The following MBD2 variants were observed in gnomAD, a reference collection of about 807,000 sequenced individuals.
MBD2 encodes the protein methyl-CpG-binding domain protein 2.
MBD2 carries 9 observed loss-of-function variants against 39.3 expected under a neutral mutation model. The observed-to-expected ratio is 0.23, with a 90% CI of 0.14 to 0.40. The LOEUF (loss-of-function observed/expected upper bound fraction) is 0.40, where lower values mean the gene tolerates loss of function less well. Among genes scored for constraint, MBD2 ranks in the 10% least tolerant of loss-of-function variants. MBD2 has a pLI of 1.00. For missense variants in MBD2, 458 were observed against 532.6 expected (o/e 0.86, Z 1.38); for synonymous variants, 233 against 211.1 (o/e 1.10, Z -0.90).
At chr18:54,206,539 C>G (rs2086451064) in intron 1 of MBD2, among the ~76,000 whole-genome samples, 1 of 152,124 alleles carries the variant, frequency 6.6e-6, no homozygotes, top group African/African-American at 2.4e-5. Context: ...AAAAACCAAG[C>G]AATAAATATT....
chr18:54,199,067 G>A (rs2086387137), intron 2 of MBD2, among the ~76,000 whole-genome samples: 1 of 152,196 alleles, frequency 6.6e-6, no homozygotes, highest in African/African-American at 2.4e-5. Flanking sequence ...TAAGAGACAG[G>A]AGAGAGGGAG....
chr18:54,218,598 A>G (rs7234495), intron 1 of MBD2, among the ~76,000 whole-genome samples: 4,069 of 152,314 alleles, frequency 0.027, 180 homozygotes, highest in African/African-American at 0.093. Flanking sequence ...CCCCAAGCAC[A>G]CTACTTCCCT....
At chr18:54,198,751 G>T (rs1185820490) in intron 2 of MBD2, among the ~76,000 whole-genome samples, 1 of 152,274 alleles carries the variant, frequency 6.6e-6, no homozygotes, top group East Asian at 1.9e-4. Context: ...ACAATTCAAA[G>T]GTTCCTGGAG....
chr18:54,213,501 A>G (rs1429731187), intron 1 of MBD2, among the ~76,000 whole-genome samples: 3 of 152,244 alleles, frequency 2.0e-5, no homozygotes, highest in African/African-American at 7.2e-5. Flanking sequence ...TGTTTAAAAA[A>G]TTAAAAACCA....
chr18:54,197,055 A>G (rs116409152), intron 2 of MBD2, among the ~76,000 whole-genome samples: 4,074 of 152,344 alleles, frequency 0.027, 184 homozygotes, highest in African/African-American at 0.093. Context: ...ATATTTCTGT[A>G]TACGAGAAAA....
intron 5 of MBD2, among the ~76,000 whole-genome samples, chr18:54,161,446 C>T (rs1432223721): frequency 1.3e-5 from 2 of 152,168 alleles, no homozygotes; most frequent in African/African-American, 4.8e-5. Flanking sequence ...CAGTTAGTCT[C>T]ACCTCTGGGT....
chr18:54,224,273 C>T lies in MBD2; in HGVS notation c.287G>A (p.Arg96His). The change falls in exon 1 of 7, where the codon CGT (arginine) becomes CAT (histidine). Residue 96 changes from arginine to histidine, a missense_variant. By Grantham distance (29) the Arg-to-His change is conservative. Transcript: ENST00000256429. ...RGRGRGRGRGRPPSGGSGLGG... is the reference protein window; with the variant it reads ...RGRGRGRGRGHPPSGGSGLGG... ...AAGGCCGCTGCCGCCACTCGGGGGA[C>T]GGCCGCGGCCCCGGCCCCGGCCCCG... 2.1e-6 allele frequency: 2 copies of T among 949,644 alleles called. No homozygotes were observed. Among genetic ancestry groups the T allele is most frequent in the South Asian group, 9.3e-5 (2 of 21,412 alleles). 58.8% of individuals were successfully genotyped at this position (949,644 alleles called of 1,614,324 possible). A position where few individuals can be genotyped will look rare whatever the true frequency, so the allele number is the denominator to read the frequency against.
intron 3 of MBD2, among the ~76,000 whole-genome samples, chr18:54,177,591 C>G (rs1050150218): frequency 6.6e-6 from 1 of 152,128 alleles, no homozygotes; most frequent in African/African-American, 2.4e-5. Context: ...CGCCATTCTC[C>G]TGCCTCGGCC....
intron 1 of MBD2, among the ~76,000 whole-genome samples, chr18:54,221,362 G>A (rs979124957): frequency 1.3e-5 from 2 of 151,832 alleles, no homozygotes; most frequent in African/African-American, 2.4e-5. Flanking sequence ...GGAGGCTGAG[G>A]CAGGAGAATG....
At chr18:54,214,172 T>A (rs553727014) in intron 1 of MBD2, among the ~76,000 whole-genome samples, 20 of 151,512 alleles carry the variant, frequency 1.3e-4, no homozygotes, top group Admixed American at 6.6e-5. Context: ...TATATATATA[T>A]TTTGTTTGTT....
At chr18:54,215,025 C>G (rs945698981) in intron 1 of MBD2, among the ~76,000 whole-genome samples, 8 of 152,102 alleles carry the variant, frequency 5.3e-5, no homozygotes, top group Non-Finnish European at 1.0e-4. Context: ...CAGGGGTGAG[C>G]CACCGCGCCC....
intron 2 of MBD2, among the ~76,000 whole-genome samples, chr18:54,191,020 T>C (rs1433893488): frequency 6.6e-6 from 1 of 152,192 alleles, no homozygotes; most frequent in Admixed American, 6.5e-5. Context: ...TGAAGTAACA[T>C]ATACCTGAAA....
chr18:54,155,746 A>G (rs531575030), intron 6 of MBD2, among the ~76,000 whole-genome samples: 2 of 152,316 alleles, frequency 1.3e-5, no homozygotes, highest in Admixed American at 6.5e-5. Context: ...ACATGAGAGC[A>G]TTTACAGATG....
At chr18:54,185,140 T>C (rs1599089183) in intron 3 of MBD2, among the ~76,000 whole-genome samples, 1 of 152,332 alleles carries the variant, frequency 6.6e-6, no homozygotes, top group African/African-American at 2.4e-5. Flanking sequence ...TTTACAAAAT[T>C]TATCTTTTAT....
At chr18:54,194,432 A>G (rs1053912704) in intron 2 of MBD2, among the ~76,000 whole-genome samples, 3 of 152,014 alleles carry the variant, frequency 2.0e-5, no homozygotes, top group African/African-American at 7.2e-5. Context: ...CTGTGACCAT[A>G]AAGCTCTTAG....
At chr18:54,203,679 T>C (rs2144329395) in intron 2 of MBD2, among the ~76,000 whole-genome samples, 1 of 152,232 alleles carries the variant, frequency 6.6e-6, no homozygotes, top group South Asian at 2.1e-4. Context: ...ACAAATTGAG[T>C]GAAGCCAGGT....
intron 2 of MBD2, among the ~76,000 whole-genome samples, chr18:54,195,930 A>C (rs905204776): frequency 7.9e-5 from 12 of 152,198 alleles, no homozygotes; most frequent in African/African-American, 2.9e-4. Flanking sequence ...AGGTCAAATC[A>C]AGGCTATTCT....
intron 3 of MBD2, among the ~76,000 whole-genome samples, chr18:54,175,830 G>A (rs1008073703): frequency 5.9e-5 from 9 of 152,114 alleles, no homozygotes; most frequent in African/African-American, 9.7e-5. Flanking sequence ...TTCGCCTGCC[G>A]TCAGGGGACT....
chr18:54,172,907 G>A (rs11873149), intron 3 of MBD2, among the ~76,000 whole-genome samples: 46,041 of 152,034 alleles, frequency 0.3, 7,919 homozygotes, highest in East Asian at 0.56. Context: ...ATGAGGAAGC[G>A]TTATAAACAC....
Sources: gnomAD v4.1 joint callset for allele counts (sites outside exome capture counted in the v4.1 genomes callset) on GRCh38, gnomAD v4.1.1 for gene constraint, MANE v1.5 for transcripts, NCBI Gene and HGNC (gene_info 2026-07-23, HGNC 2026-07-21) for gene names.